EBF2: variants seen among roughly 807,000 people sequenced by gnomAD.
EBF2 encodes the protein transcription factor COE2.
A neutral mutation model predicts 72.8 loss-of-function variants in EBF2; 21 were observed. The ratio of observed to expected loss-of-function variants is 0.29; its 90% CI spans 0.20 to 0.42. The LOEUF is 0.42. EBF2 is among the 10% of genes least tolerant of loss of function. The pLI is 1.00. For synonymous variants in EBF2, 299 were observed against 274.2 expected, an observed-to-expected ratio of 1.09 and a Z score of -0.89; for missense variants, 637 against 731.2, an observed-to-expected ratio of 0.87 and a Z score of 1.49.
chr8:26,002,859 CA>C (rs1228469623), intron 6 of EBF2, among the ~76,000 whole-genome samples: 2 of 89,226 alleles, frequency 2.2e-5, no homozygotes, highest in East Asian at 2.9e-4. Flanking sequence ...GGCAGGCGGG[CA>C]GGCGGGCAGG....
chr8:25,967,966 C>T (rs1192346795), intron 6 of EBF2, among the ~76,000 whole-genome samples: 2 of 152,206 alleles, frequency 1.3e-5, no homozygotes, highest in Non-Finnish European at 2.9e-5. Flanking sequence ...AATATATACA[C>T]ACAATATGTA....
At chr8:25,945,682 A>G (rs1236424049) in intron 6 of EBF2, among the ~76,000 whole-genome samples, 1 of 151,710 alleles carries the variant, frequency 6.6e-6, no homozygotes, top group East Asian at 1.9e-4. Flanking sequence ...CAATCCTTTG[A>G]ATGTCCCTGA....
chr8:25,947,022 T>C (rs1002634515), intron 6 of EBF2, among the ~76,000 whole-genome samples: 4 of 152,180 alleles, frequency 2.6e-5, no homozygotes, highest in African/African-American at 9.7e-5. Flanking sequence ...ACAGCTCTTC[T>C]TGCCTGAATT....
chr8:25,866,545 A>G (rs1284995152), intron 10 of EBF2, among the ~76,000 whole-genome samples: 1 of 143,176 alleles, frequency 7.0e-6, no homozygotes, highest in East Asian at 2.0e-4. Context: ...TATATATTAT[A>G]TGTAATTTTT....
chr8:25,872,355 T>C (rs1802453783), intron 10 of EBF2, among the ~76,000 whole-genome samples: 2 of 152,194 alleles, frequency 1.3e-5, no homozygotes, highest in Non-Finnish European at 2.9e-5. Context: ...ACTCTGGGGA[T>C]GTTGGCGGAT....
intron 6 of EBF2, among the ~76,000 whole-genome samples, chr8:25,943,712 G>A (rs996247461): frequency 6.6e-6 from 1 of 152,120 alleles, no homozygotes; most frequent in Non-Finnish European, 1.5e-5. Flanking sequence ...CAACTGTGGA[G>A]GTTAGCTGGG....
intron 11 of EBF2, among the ~76,000 whole-genome samples, chr8:25,862,364 T>C (rs1802226347): frequency 6.6e-6 from 1 of 152,196 alleles, no homozygotes. Context: ...TAATGAGTCC[T>C]TGCAATTATG....
At chr8:25,863,008 GATT>G (rs572514200) in intron 10 of EBF2, among the ~76,000 whole-genome samples, 4,757 of 151,626 alleles carry the variant, frequency 0.031, 249 homozygotes, top group African/African-American at 0.11. Context: ...CAAAATTTCA[GATT>G]ATAATTATCA....
At chr8:25,946,652 G>A (rs1317304515) in intron 6 of EBF2, among the ~76,000 whole-genome samples, 1 of 152,128 alleles carries the variant, frequency 6.6e-6, no homozygotes, top group Non-Finnish European at 1.5e-5. Flanking sequence ...CATCACGGGA[G>A]AAACCTAGAC....
chr8:25,917,654 A>T (rs78354631), intron 6 of EBF2, among the ~76,000 whole-genome samples: 2 of 152,182 alleles, frequency 1.3e-5, no homozygotes, highest in Non-Finnish European at 2.9e-5. Flanking sequence ...TTCCCTTGCC[A>T]GTACCATGAC....
At chr8:25,863,125 C>T (rs1802240654) in intron 10 of EBF2, among the ~76,000 whole-genome samples, 2 of 151,718 alleles carry the variant, frequency 1.3e-5, no homozygotes, top group Non-Finnish European at 2.9e-5. Flanking sequence ...ATATTATTTT[C>T]CTTTCTCTTA....
At chr8:25,845,917 A>C (rs1801823362) in intron 15 of EBF2, among the ~76,000 whole-genome samples, 1 of 152,136 alleles carries the variant, frequency 6.6e-6, no homozygotes, top group African/African-American at 2.4e-5. Context: ...AATGGCTGAA[A>C]TTCTCTCTGC....
chr8:25,858,769 T>C (rs891801827), intron 13 of EBF2, among the ~76,000 whole-genome samples: 1 of 150,740 alleles, frequency 6.6e-6, no homozygotes, highest in Non-Finnish European at 1.5e-5. Flanking sequence ...ACGTGATTCT[T>C]CTGCCTCAGC....
intron 10 of EBF2, among the ~76,000 whole-genome samples, chr8:25,876,396 C>T (rs760106792): frequency 3.3e-5 from 5 of 151,802 alleles, no homozygotes; most frequent in Non-Finnish European, 5.9e-5. Flanking sequence ...ACGTCCTGCA[C>T]GTGTATCCCA....
intron 6 of EBF2, among the ~76,000 whole-genome samples, chr8:25,933,384 G>T (rs569095469): frequency 1.3e-5 from 2 of 152,142 alleles, no homozygotes; most frequent in African/African-American, 2.4e-5. Flanking sequence ...CTACGGAAAA[G>T]GGACCGTAGC....
chr8:25,852,421 A>G (rs1802001068), intron 14 of EBF2, among the ~76,000 whole-genome samples: 1 of 152,186 alleles, frequency 6.6e-6, no homozygotes, highest in Non-Finnish European at 1.5e-5. Flanking sequence ...GGTCCCCCAA[A>G]TGGCGCCTTG....
chr8:25,996,996 C>A (rs1804643987), intron 6 of EBF2, among the ~76,000 whole-genome samples: 1 of 152,020 alleles, frequency 6.6e-6, no homozygotes, highest in Non-Finnish European at 1.5e-5. Flanking sequence ...CAAGATCTTG[C>A]AACAATTTTC....
intron 6 of EBF2, among the ~76,000 whole-genome samples, chr8:25,991,147 C>T (rs1804539332): frequency 6.6e-6 from 1 of 152,160 alleles, no homozygotes; most frequent in Non-Finnish European, 1.5e-5. Flanking sequence ...CTTTTGCAAA[C>T]TCTTCTGCCA....
chr8:25,857,582 A>C (rs1802120099), intron 14 of EBF2, among the ~76,000 whole-genome samples: 1 of 152,058 alleles, frequency 6.6e-6, no homozygotes, highest in Non-Finnish European at 1.5e-5. Context: ...TGAAAAATGC[A>C]CTCTCTCAGG....
Sources: gnomAD v4.1 joint callset for allele counts (sites outside exome capture counted in the v4.1 genomes callset) on GRCh38, gnomAD v4.1.1 for gene constraint, MANE v1.5 for transcripts, NCBI Gene and HGNC (gene_info 2026-07-23, HGNC 2026-07-21) for gene names.